The following ARAF variants were observed in gnomAD, a reference collection of about 807,000 sequenced individuals.
ARAF encodes A-Raf proto-oncogene, serine/threonine kinase, also known as serine/threonine-protein kinase A-Raf.
A neutral mutation model predicts 48.0 loss-of-function variants in ARAF; 18 were observed. That is an observed-to-expected ratio of 0.37 (90% CI 0.26 to 0.56). The LOEUF (loss-of-function observed/expected upper bound fraction) is 0.56. Ranked by LOEUF, ARAF falls within the 20% of genes least tolerant of loss-of-function variation. The pLI is 0.77. For missense variants in ARAF, 389 were observed against 543.1 expected, an observed-to-expected ratio of 0.72 and a Z score of 2.82; for synonymous variants, 207 against 220.1, an observed-to-expected ratio of 0.94 and a Z score of 0.53.
At chrX:47,563,447 T>C in intron 3 of ARAF, 118 bp downstream of exon 3, 1 of 574,436 alleles carries the variant, frequency 1.7e-6, no homozygotes, top group Non-Finnish European at 2.9e-6. Flanking sequence ...CCTTAGTCTT[T>C]AGTCCCCCCT....
At chrX:47,566,555 G>T in intron 6 of ARAF, 84 bp from the exon 7 acceptor site, 1 of 990,754 alleles carries the variant, frequency 1.0e-6, no homozygotes. Context: ...TGAGCCAAAT[G>T]CATGTTTATG....
chrX:47,561,562 C>T (rs938426525), intron 1 of ARAF, among the ~76,000 whole-genome samples: 1 of 111,261 alleles, frequency 9.0e-6, no homozygotes, highest in Non-Finnish European at 1.9e-5. Context: ...TCTTAACCCC[C>T]GCTAAGGTGT....
intron 14 of ARAF, chrX:47,570,294 G>T (rs943019916): frequency 3.3e-6 from 1 of 301,750 alleles, no homozygotes. Context: ...TCTATACCTA[G>T]AATCCCCTGA....
At chrX:47,564,438 A>G (rs1288810918) in intron 3 of ARAF, among the ~76,000 whole-genome samples, 2 of 111,405 alleles carry the variant, frequency 1.8e-5, no homozygotes, top group Non-Finnish European at 3.8e-5. Context: ...ACTGCACTTT[A>G]TTTGTTGTTT....
chrX:47,566,113 T>A (rs1417258684), intron 6 of ARAF: 1 of 111,841 alleles, frequency 8.9e-6, no homozygotes, highest in Admixed American at 9.5e-5. Context: ...TATGGTAATA[T>A]GTATATTTTA....
chrX:47,566,079 A>G (rs1452336359), intron 6 of ARAF: 1 of 112,065 alleles, frequency 8.9e-6, no homozygotes, highest in Non-Finnish European at 1.9e-5. Context: ...CATATATCAT[A>G]TGTATAACAT....
chrX:47,565,793 A>G (rs985020929), intron 6 of ARAF: 2 of 140,653 alleles, frequency 1.4e-5, no homozygotes, highest in Non-Finnish European at 1.2e-5. Flanking sequence ...TTTTTATGTT[A>G]AATATTATAT....
chrX:47,563,345 C>T lies in ARAF; in HGVS notation c.200+16C>T. 1 of 1,152,661 alleles carries T rather than the reference C, an allele frequency of 8.7e-7. No individual in the cohort carries two copies. The highest frequency in any genetic ancestry group is 1.2e-6 in the Non-Finnish European group (1 of 845,581). 95.0% of individuals were successfully genotyped at this position (1,152,661 alleles called of 1,213,427 possible). A position where few individuals can be genotyped will look rare whatever the true frequency, so the allele number is the denominator to read the frequency against. On this transcript the variant is annotated intron_variant, in intron 3 of 15. Coordinates refer to ENST00000377045, the MANE Select transcript of ARAF (RefSeq NM_001654.5). ...TCATCAAGGGGTGAGTGTGGCAGCC[C>T]CACGCCCACCCACTGGGTGTCCCAC...
At position 47,562,912 on chromosome X, in the gene ARAF, C is replaced by A. The variant is rs1307374434; in HGVS notation, c.-56C>A. The A allele has an allele frequency of 3.2e-6, 3 of 934,971 alleles. No homozygotes were observed. Among genetic ancestry groups the A allele is most frequent in the Non-Finnish European group, 4.4e-6 (3 of 686,888 alleles). The allele number at this position is 934,971 out of a possible 1,213,427, so 77.1% of individuals were successfully genotyped here. ...ATTCTTGTCTGCCTTCTTGTAGGAGCCCCATGGCACCTGCCCAGCCCCACC... is the reference window on the plus strand; with the variant it reads ...ATTCTTGTCTGCCTTCTTGTAGGAGACCCATGGCACCTGCCCAGCCCCACC... On this transcript the variant is annotated 5_prime_UTR_variant, in exon 2 of 16. Transcript: ENST00000377045.
Position 47,571,728 on chromosome X carries a change from G to C in ARAF, c.*271G>C, listed in dbSNP as rs1022943206. On this transcript the variant is annotated 3_prime_UTR_variant, in exon 16 of 16. Transcript: ENST00000377045. ...TTTGGGAGCTCCTCCATCTCCAATGGCTGGGATTTGTGGCAGGGATTCCAC... is the reference window on the plus strand; with the variant it reads ...TTTGGGAGCTCCTCCATCTCCAATGCCTGGGATTTGTGGCAGGGATTCCAC... The C allele has an allele frequency of 1.2e-5, 4 of 334,250 alleles. No individual in the cohort carries two copies. The highest frequency in any genetic ancestry group is 2.1e-5 in the Non-Finnish European group (4 of 194,913). The allele number at this position is 334,250 out of a possible 1,213,427, so 27.5% of individuals were successfully genotyped here.
At chrX:47,563,955 G>T (rs1005375306) in intron 3 of ARAF, among the ~76,000 whole-genome samples, 2 of 112,140 alleles carry the variant, frequency 1.8e-5, no homozygotes, top group African/African-American at 6.5e-5. Context: ...AGACAGTGTG[G>T]ATCTGCTAGA....
chrX:47,569,537 G>A lies in ARAF; in HGVS notation c.1301-2G>A, dbSNP rs142277089. ...CCCTGTAGTGGTCCTTGACCCTGGC[G>A]GACATCTTCCTACATGAGGGGCTCA... On this transcript the variant is annotated splice_acceptor_variant, in intron 12 of 15. Coordinates refer to ENST00000377045, the MANE Select transcript of ARAF (RefSeq NM_001654.5). LOFTEE classifies it high-confidence loss of function. The A allele has an allele frequency of 4.2e-5, 51 of 1,201,958 alleles. No individual in the cohort carries two copies. Among genetic ancestry groups the A allele is most frequent in the Non-Finnish European group, 5.2e-5 (46 of 889,247 alleles).
chrX:47,561,699 C>T (rs1298361701), intron 1 of ARAF, among the ~76,000 whole-genome samples: 1 of 108,912 alleles, frequency 9.2e-6, no homozygotes, highest in Non-Finnish European at 1.9e-5. Flanking sequence ...CCTCTGTAAC[C>T]GCCTTCCATG....
intron 12 of ARAF, 62 bp downstream of exon 12, chrX:47,569,095 T>A: frequency 1.8e-6 from 2 of 1,130,726 alleles, no homozygotes; most frequent in Non-Finnish European, 2.4e-6. Context: ...AGGATGCCTC[T>A]TGTGGGGGTT....
At chrX:47,567,490 G>A in intron 10 of ARAF, 58 bp downstream of exon 10, 1 of 1,114,899 alleles carries the variant, frequency 9.0e-7, no homozygotes, top group Non-Finnish European at 1.2e-6. Context: ...CATCTCTCTG[G>A]GAAAAGGCCA....
rs2057744441 is a variant in ARAF, at chrX:47,568,978, C to T, written c.1254-9C>T. ...CCAGCCAATCCGCCACCTGCCTCCA[C>T]CCCCACAGCTACCTCCATGCCAAGA... On this transcript the variant is annotated splice_polypyrimidine_tract_variant and intron_variant, in intron 11 of 15. Coordinates refer to ENST00000377045, the MANE Select transcript of ARAF (RefSeq NM_001654.5). 4 of 1,201,542 alleles carry T rather than the reference C, an allele frequency of 3.3e-6. No homozygotes were observed. The highest frequency in any genetic ancestry group is 3.4e-6 in the Non-Finnish European group (3 of 891,193).
intron 13 of ARAF, 75 bp downstream of exon 13, chrX:47,569,732 G>A (rs1569321024): frequency 1.8e-6 from 2 of 1,105,270 alleles, no homozygotes; most frequent in Non-Finnish European, 2.5e-6. Flanking sequence ...GGCCAAGTGG[G>A]GACGGGGATG....
At chrX:47,563,616 G>A (rs763793416) in intron 3 of ARAF, among the ~76,000 whole-genome samples, 6 of 111,821 alleles carry the variant, frequency 5.4e-5, no homozygotes, top group Non-Finnish European at 1.1e-4. Flanking sequence ...CATGCACTCC[G>A]GCCATCACTT....
rs2147905444 is a variant in ARAF at position 47,566,646 on chromosome X, A to C, written c.565A>C (p.Thr189Pro). The part of the protein sequence containing the change: ...LLTPQGPSPR[T>P]QHCDPEHFPF... ...CAGCCTTTCCCCTGGCAGCCCCCGCACCCAGCACTGTGACCCGGAGCACTT... is the reference window on the plus strand; with the variant it reads ...CAGCCTTTCCCCTGGCAGCCCCCGCCCCCAGCACTGTGACCCGGAGCACTT... Residue 189 changes from threonine (T) to proline (P), a missense_variant, in exon 7 of 16, where the codon ACC becomes CCC. By Grantham distance (38) the Thr-to-Pro change is conservative (BLOSUM62 -1). Coordinates refer to ENST00000377045, the MANE Select transcript of ARAF (RefSeq NM_001654.5). The C allele has an allele frequency of 1.7e-6, 2 of 1,169,633 alleles. No homozygotes were observed. The highest frequency in any genetic ancestry group is 2.3e-6 in the Non-Finnish European group (2 of 872,907).
Sources: allele counts gnomAD v4.1 joint callset (sites outside exome capture counted in the v4.1 genomes callset), GRCh38; gene constraint gnomAD v4.1.1; transcripts MANE v1.5; gene names NCBI Gene and HGNC (gene_info 2026-07-23, HGNC 2026-07-21).